GNA13: variants seen among roughly 807,000 people sequenced by gnomAD.
GNA13 encodes the protein G protein subunit alpha 13, also known as guanine nucleotide-binding protein subunit alpha-13.
A neutral mutation model predicts 33.5 loss-of-function variants in GNA13; 4 were observed. The ratio of observed to expected loss-of-function variants is 0.12; its 90% CI spans 0.06 to 0.27. The LOEUF (loss-of-function observed/expected upper bound fraction) is 0.27, where lower values mean the gene tolerates loss of function less well. GNA13 is among the 10% of genes least tolerant of loss of function. GNA13 has a pLI of 1.00. For synonymous variants in GNA13, 176 were observed against 183.8 expected (o/e 0.96, Z 0.34); for missense variants, 319 against 487.2 (o/e 0.65, Z 3.25).
In GNA13 at chr17:65,014,231, T is replaced by G; in HGVS notation, c.*26A>C. The stretch of plus-strand genomic sequence containing the variant: ...AGAAAACATCAAAAACACAAAAAGA[T>G]ATTAAAACAGCAAGTCTTTTGTACA... On this transcript the variant is annotated 3_prime_UTR_variant, in exon 4 of 4. Coordinates refer to ENST00000439174, the MANE Select transcript of GNA13 (RefSeq NM_006572.6). The surrounding 1 kb of genome is among the most constrained non-coding windows in gnomAD (Gnocchi z 5.3). 7.6e-7 allele frequency: 1 copy of G among 1,307,236 alleles called. No individual in the cohort carries two copies. Among genetic ancestry groups the G allele is most frequent in the Non-Finnish European group, 1.1e-6 (1 of 920,636 alleles). The allele number at this position is 1,307,236 out of a possible 1,614,324, so 81.0% of individuals were successfully genotyped here. A position where few individuals can be genotyped will look rare whatever the true frequency, so the allele number is the denominator to read the frequency against.
chr17:65,016,992 C>T (rs1361923201), intron 3 of GNA13, among the ~76,000 whole-genome samples: 1 of 152,130 alleles, frequency 6.6e-6, no homozygotes, highest in Non-Finnish European at 1.5e-5. Context: ...CAATTTTTAG[C>T]CATAATTAAC....
chr17:65,014,890 G>T lies in GNA13; in HGVS notation c.562-61C>A, dbSNP rs1450802847. The T allele has an allele frequency of 2.1e-6, 2 of 933,926 alleles. No individual in the cohort carries two copies. The highest frequency in any genetic ancestry group is 3.3e-6 in the Non-Finnish European group (2 of 597,282). 57.9% of individuals were successfully genotyped at this position (933,926 alleles called of 1,614,324 possible). A position where few individuals can be genotyped will look rare whatever the true frequency, so the allele number is the denominator to read the frequency against. ...CCCGAAGTAATGCGAATTTTTAATG[G>T]ACTACTAACTGGACTAGTGAATAGA... On this transcript the variant is annotated intron_variant, in intron 3 of 3. Coordinates refer to ENST00000439174, the MANE Select transcript of GNA13 (RefSeq NM_006572.6). The surrounding 1 kb of genome is among the most constrained non-coding windows in gnomAD (Gnocchi z 5.3).
chr17:65,030,583 A>T (rs1906966129), intron 2 of GNA13, among the ~76,000 whole-genome samples: 1 of 152,272 alleles, frequency 6.6e-6, no homozygotes, highest in South Asian at 2.1e-4. Context: ...TGCTACTAAA[A>T]TAAAACATCA....
In GNA13 at chr17:65,043,528, C is replaced by G. The variant is rs565619557; in HGVS notation, c.510+9974G>C. Among the ~76,000 whole-genome samples the G allele has an allele frequency of 2.5e-4, 38 of 152,276 alleles. 1 individual carries two copies. The South Asian group carries it at 7.5e-3, about 30-fold the overall frequency. On this transcript the variant is annotated intron_variant, in intron 2 of 3. Coordinates refer to ENST00000439174, the MANE Select transcript of GNA13 (RefSeq NM_006572.6). ...TCTCAAACTCCTGGACTCAAGCAAT[C>G]TGCTCACCTCAGCCTTCCAAAGTGC...
At chr17:65,048,829 C>T (rs1240647328) in intron 2 of GNA13, among the ~76,000 whole-genome samples, 2 of 152,260 alleles carry the variant, frequency 1.3e-5, no homozygotes, top group Non-Finnish European at 2.9e-5. Context: ...TTTTAATGTG[C>T]ATTAATAAGT....
At chr17:65,037,500 C>A (rs536062856) in intron 2 of GNA13, among the ~76,000 whole-genome samples, 1 of 152,282 alleles carries the variant, frequency 6.6e-6, no homozygotes, top group East Asian at 1.9e-4. Context: ...CAGGACACCA[C>A]TGACCACTTT....
chr17:65,043,063 T>C lies in GNA13; in HGVS notation c.510+10439A>G, dbSNP rs187490247. On this transcript the variant is annotated intron_variant, in intron 2 of 3. Transcript: ENST00000439174. ...AATAGTAACAGTAGGTCCCTAATAA[T>C]AGATCATTCTCATTTTACAGTTGCA... Among the ~76,000 whole-genome samples, 422 of 152,200 alleles carry C rather than the reference T, an allele frequency of 2.8e-3. 2 individuals are homozygous for C. The highest frequency in any genetic ancestry group is 9.8e-3 in the African/African-American group (406 of 41,524).
intron 2 of GNA13, among the ~76,000 whole-genome samples, chr17:65,033,085 T>G (rs1234842945): frequency 6.6e-6 from 1 of 151,260 alleles, no homozygotes; most frequent in Admixed American, 6.6e-5. Flanking sequence ...TACTCTAGCC[T>G]GGGCAACAGA....
intron 2 of GNA13, among the ~76,000 whole-genome samples, chr17:65,032,921 G>A (rs1342908947): frequency 1.3e-5 from 2 of 152,026 alleles, no homozygotes; most frequent in Non-Finnish European, 2.9e-5. Flanking sequence ...CACTAGCCCG[G>A]CCAACTTGGT....
At chr17:65,032,862 G>T (rs959625480) in intron 2 of GNA13, among the ~76,000 whole-genome samples, 8 of 152,092 alleles carry the variant, frequency 5.3e-5, no homozygotes, top group Non-Finnish European at 1.0e-4. Flanking sequence ...TGTAATCCCA[G>T]CACTTTGGGA....
chr17:65,022,629 T>A (rs760762701), intron 2 of GNA13, among the ~76,000 whole-genome samples: 14 of 152,042 alleles, frequency 9.2e-5, no homozygotes, highest in Non-Finnish European at 4.4e-5. Context: ...AAAGCAACGG[T>A]CATAAAACAA....
intron 2 of GNA13, among the ~76,000 whole-genome samples, chr17:65,032,526 T>C (rs901506831): frequency 3.3e-5 from 5 of 152,308 alleles, no homozygotes; most frequent in African/African-American, 1.2e-4. Context: ...ATATACTACC[T>C]CTTATCCTAG....
At chr17:65,027,027 C>T (rs1005899906) in intron 2 of GNA13, among the ~76,000 whole-genome samples, 1 of 152,196 alleles carries the variant, frequency 6.6e-6, no homozygotes, top group Non-Finnish European at 1.5e-5. Context: ...ATCCGCCCAC[C>T]TTGGCCTCCC....
At chr17:65,037,670 A>G (rs1266037073) in intron 2 of GNA13, among the ~76,000 whole-genome samples, 2 of 149,912 alleles carry the variant, frequency 1.3e-5, no homozygotes, top group African/African-American at 2.5e-5. Flanking sequence ...AGTGGCTCAC[A>G]CCTGCAATCC....
intron 2 of GNA13, among the ~76,000 whole-genome samples, chr17:65,048,796 G>A (rs1253235280): frequency 6.6e-6 from 1 of 152,194 alleles, no homozygotes; most frequent in Non-Finnish European, 1.5e-5. Context: ...GTTAAGTCAT[G>A]TAGGGCCTTA....
chr17:65,022,039 G>T (rs536140529), intron 2 of GNA13, among the ~76,000 whole-genome samples: 16 of 152,304 alleles, frequency 1.1e-4, no homozygotes, highest in African/African-American at 3.6e-4. Flanking sequence ...TGGACCAGGG[G>T]TCTGTCCACA....
At chr17:65,033,376 T>C (rs1046248420) in intron 2 of GNA13, among the ~76,000 whole-genome samples, 1 of 151,378 alleles carries the variant, frequency 6.6e-6, no homozygotes, top group Non-Finnish European at 1.5e-5. Flanking sequence ...GTAGTCCAGC[T>C]ACTAGGAGGC....
At chr17:65,025,361 T>C (rs1435951297) in intron 2 of GNA13, among the ~76,000 whole-genome samples, 1 of 152,238 alleles carries the variant, frequency 6.6e-6, no homozygotes, top group East Asian at 1.9e-4. Flanking sequence ...TGACAAGCTT[T>C]ATTTCCTACT....
Position 65,014,459 on chromosome 17 carries a change from T to C in GNA13, c.932A>G (p.Glu311Gly). The C allele has an allele frequency of 6.2e-7, 1 of 1,613,906 alleles. No homozygotes were observed. The highest frequency in any genetic ancestry group is 8.5e-7 in the Non-Finnish European group (1 of 1,179,826). The change falls in exon 4 of 4, where the codon GAA (glutamate) becomes GGA (glycine). Residue 311 changes from glutamate to glycine, a missense_variant. Coordinates refer to ENST00000439174, the MANE Select transcript of GNA13 (RefSeq NM_006572.6). This position sits in a 1 kb window ranked among gnomAD's most constrained non-coding sequence, Gnocchi z 5.3. ...QIVSIKDYFL[E>G]FEGDPHCLRD... The stretch of plus-strand genomic sequence containing the variant: ...TAAGCAGTGGGGATCCCCTTCAAAT[T>C]CTAGGAAATAGTCTTTGATGCTCAC...
Sources: gnomAD v4.1 joint callset for allele counts (sites outside exome capture counted in the v4.1 genomes callset) on GRCh38, gnomAD v4.1.1 for gene constraint, Gnocchi (gnomAD v3.1) non-coding constraint, MANE v1.5 for transcripts, NCBI Gene and HGNC (gene_info 2026-07-23, HGNC 2026-07-21) for gene names.